MLKL: variants seen among roughly 807,000 people sequenced by gnomAD.
MLKL encodes the protein mixed lineage kinase domain like pseudokinase, also known as mixed lineage kinase domain-like protein.
A neutral mutation model predicts 56.5 loss-of-function variants in MLKL; 55 were observed. The observed-to-expected ratio is 0.97, with a 90% CI of 0.78 to 1.22. The LOEUF is 1.22. MLKL is among the 50% of genes most tolerant of loss of function. MLKL has a pLI of 0.00. For missense variants in MLKL, 694 were observed against 573.9 expected, an observed-to-expected ratio of 1.21 and a Z score of -2.14; for synonymous variants, 251 against 208.3, an observed-to-expected ratio of 1.20 and a Z score of -1.76.
chr16:74,674,708 G>A (rs1959473380), intron 10 of MLKL, among the ~76,000 whole-genome samples: 1 of 152,020 alleles, frequency 6.6e-6, no homozygotes, highest in Admixed American at 6.6e-5. Flanking sequence ...CTCCCAAAGG[G>A]CTAGAATTAC....
chr16:74,699,977 G>A (rs1243815689), intron 1 of MLKL, among the ~76,000 whole-genome samples: 1 of 151,924 alleles, frequency 6.6e-6, no homozygotes, highest in African/African-American at 2.4e-5. Context: ...AGGGGATTAT[G>A]TTCATATGTT....
intron 6 of MLKL, among the ~76,000 whole-genome samples, chr16:74,682,056 G>C (rs1353847198): frequency 6.6e-6 from 1 of 151,556 alleles, no homozygotes; most frequent in African/African-American, 2.4e-5. Flanking sequence ...GACCAGCCTA[G>C]GCAGCATGGC....
intron 1 of MLKL, among the ~76,000 whole-genome samples, chr16:74,698,138 G>C (rs1046135397): frequency 6.6e-6 from 1 of 152,144 alleles, no homozygotes; most frequent in Non-Finnish European, 1.5e-5. Flanking sequence ...CTGGGAGGTC[G>C]AGGCTGCAGT....
Position 74,695,568 on chromosome 16 carries a change from G to T in MLKL, c.190C>A (p.Arg64Ser), listed in dbSNP as rs753060513. 3.2e-5 allele frequency: 51 copies of T among 1,614,010 alleles called. No individual in the cohort carries two copies. The highest frequency in any genetic ancestry group is 4.2e-5 in the Non-Finnish European group (50 of 1,180,040). ...GCCTCCTCCAGGGCAGCCTTGAAGCGGTTCATGGCTGTGGTTAACTTCTCA... is the reference window on the plus strand; with the variant it reads ...GCCTCCTCCAGGGCAGCCTTGAAGCTGTTCATGGCTGTGGTTAACTTCTCA... ...PSEKLTTAMNRFKAALEEANG... is the reference protein window; with the variant it reads ...PSEKLTTAMNSFKAALEEANG... The change falls in exon 2 of 11, where the codon CGC becomes AGC. Residue 64 changes from arginine (R) to serine (S), a missense_variant. By Grantham distance (110) the Arg-to-Ser change is moderately radical. Transcript: ENST00000308807.
intron 1 of MLKL, among the ~76,000 whole-genome samples, chr16:74,696,918 A>ATATAT (rs1341510082): frequency 2.8e-4 from 41 of 147,288 alleles, no homozygotes; most frequent in South Asian, 1.5e-3. Context: ...AAAAAATGTA[A>ATATAT]TACATTACAT....
At chr16:74,697,425 A>G (rs190355107) in intron 1 of MLKL, among the ~76,000 whole-genome samples, 77 of 152,318 alleles carry the variant, frequency 5.1e-4, no homozygotes, top group Non-Finnish European at 8.5e-4. Flanking sequence ...TTGCAACTGA[A>G]GCCGACTGCG....
intron 2 of MLKL, 24 bp downstream of exon 2, chr16:74,695,274 C>T: frequency 6.2e-7 from 1 of 1,607,384 alleles, no homozygotes; most frequent in Non-Finnish European, 8.5e-7. Flanking sequence ...TGCACTCCCA[C>T]TCCCCACCAA....
intron 6 of MLKL, among the ~76,000 whole-genome samples, chr16:74,681,804 A>G (rs1237625175): frequency 6.6e-6 from 1 of 152,030 alleles, no homozygotes; most frequent in African/African-American, 2.4e-5. Flanking sequence ...AAGAAGAAAA[A>G]AAAAGAAAAG....
Position 74,691,276 on chromosome 16 carries a change from C to T in MLKL, c.722+1G>A, listed in dbSNP as rs144019045. The T allele has an allele frequency of 1.1e-4, 178 of 1,608,066 alleles. No homozygotes were observed. Among genetic ancestry groups the T allele is most frequent in the Admixed American group, 4.6e-4 (27 of 58,694 alleles). On this transcript the variant is annotated splice_donor_variant, in intron 4 of 10. Transcript: ENST00000308807. LOFTEE classifies it high-confidence loss of function. ...CGAGAGAACCACACAAAACAACTTA[C>T]GCAATGCTGCCAGCCTGGAGTTTTT...
At chr16:74,688,201 C>T (rs1160044127) in intron 4 of MLKL, among the ~76,000 whole-genome samples, 1 of 151,602 alleles carries the variant, frequency 6.6e-6, no homozygotes, top group Non-Finnish European at 1.5e-5. Context: ...AACTCCTGAC[C>T]TCAAGTGATC....
intron 6 of MLKL, among the ~76,000 whole-genome samples, chr16:74,679,185 C>G (rs1385015198): frequency 6.6e-6 from 1 of 152,150 alleles, no homozygotes; most frequent in Non-Finnish European, 1.5e-5. Context: ...CACAAGGGGG[C>G]ATGACAGCCC....
At chr16:74,694,460 C>T (rs1239730340) in intron 2 of MLKL, among the ~76,000 whole-genome samples, 1 of 151,952 alleles carries the variant, frequency 6.6e-6, no homozygotes, top group African/African-American at 2.4e-5. Flanking sequence ...GGCTGCAGTG[C>T]AATGGAGAAA....
chr16:74,679,733 T>C (rs1276514944), intron 6 of MLKL, among the ~76,000 whole-genome samples: 1 of 152,156 alleles, frequency 6.6e-6, no homozygotes, highest in South Asian at 2.1e-4. Flanking sequence ...GAGAATCACT[T>C]GCACCCAGGA....
intron 1 of MLKL, among the ~76,000 whole-genome samples, chr16:74,696,382 G>A (rs898943368): frequency 1.3e-5 from 2 of 152,074 alleles, no homozygotes; most frequent in South Asian, 2.1e-4. Context: ...GTGAGCTGAG[G>A]TAGTCTTTAC....
chr16:74,692,734 C>T (rs541048720), intron 2 of MLKL, among the ~76,000 whole-genome samples: 8 of 152,356 alleles, frequency 5.3e-5, no homozygotes, highest in East Asian at 3.9e-4. Flanking sequence ...TTTGCGTCAA[C>T]GCAGAAGTGC....
chr16:74,694,347 G>C (rs1474002692), intron 2 of MLKL, among the ~76,000 whole-genome samples: 4 of 152,184 alleles, frequency 2.6e-5, no homozygotes. Context: ...CATGTCCTCA[G>C]AAAGGGAAAC....
chr16:74,673,747 CAA>C (rs1287659265), intron 10 of MLKL, among the ~76,000 whole-genome samples: 2 of 151,792 alleles, frequency 1.3e-5, no homozygotes. Context: ...AAAAATAAAA[CAA>C]GAGAGAGGAA....
rs770245729 is a variant in MLKL, at chr16:74,675,338, GT to G, written c.1240+16del. On this transcript the variant is annotated intron_variant, in intron 9 of 10. Transcript: ENST00000308807. ...CCCAACCTCACCACTGGCTGAGCCAGTCTTCACATTCTTCACCTTGAAACGG... is the reference window on the plus strand; with the variant it reads ...CCCAACCTCACCACTGGCTGAGCCAGCTTCACATTCTTCACCTTGAAACGG... The G allele has an allele frequency of 6.2e-7, 1 of 1,614,168 alleles. No individual in the cohort carries two copies. Among genetic ancestry groups the G allele is most frequent in the South Asian group, 1.1e-5 (1 of 91,080 alleles).
At chr16:74,681,181 A>G (rs1420379575) in intron 6 of MLKL, among the ~76,000 whole-genome samples, 4 of 152,012 alleles carry the variant, frequency 2.6e-5, no homozygotes, top group Non-Finnish European at 5.9e-5. Context: ...CTGTGGCACC[A>G]TGCTGGGCTA....
Sources: allele counts gnomAD v4.1 joint callset (sites outside exome capture counted in the v4.1 genomes callset), GRCh38; gene constraint gnomAD v4.1.1; transcripts MANE v1.5; gene names NCBI Gene and HGNC (gene_info 2026-07-23, HGNC 2026-07-21).